The following CNTNAP2 variants were observed in gnomAD, a reference collection of about 807,000 sequenced individuals.
CNTNAP2 encodes contactin associated protein 2, also known as contactin-associated protein-like 2.
A neutral mutation model predicts 155.2 loss-of-function variants in CNTNAP2; 98 were observed. That is an observed-to-expected ratio of 0.63 (90% CI 0.54 to 0.75). CNTNAP2 has a LOEUF of 0.75. Ranked by LOEUF, CNTNAP2 falls within the 30% of genes least tolerant of loss-of-function variation. The probability of loss-of-function intolerance (pLI) is 0.00; values close to 1 mark genes in which losing one functional copy is unlikely to be tolerated. For missense variants in CNTNAP2, 1,727 were observed against 1,688.1 expected (o/e 1.02, Z -0.40); for synonymous variants, 651 against 631.2 (o/e 1.03, Z -0.47).
chr7:147,869,674 G>T (rs1462981109), intron 13 of CNTNAP2, among the ~76,000 whole-genome samples: 1 of 152,188 alleles, frequency 6.6e-6, no homozygotes, highest in Non-Finnish European at 1.5e-5. Flanking sequence ...GATCCGGAGG[G>T]ATGTATAAGT....
chr7:147,668,920 G>C (rs1795742719), intron 13 of CNTNAP2, among the ~76,000 whole-genome samples: 1 of 151,932 alleles, frequency 6.6e-6, no homozygotes, highest in Non-Finnish European at 1.5e-5. Flanking sequence ...TTCCAGTCCT[G>C]CAAGCTCCAT....
At chr7:147,324,952 T>G (rs1010028388) in intron 9 of CNTNAP2, among the ~76,000 whole-genome samples, 7 of 152,078 alleles carry the variant, frequency 4.6e-5, no homozygotes, top group Non-Finnish European at 1.0e-4. Flanking sequence ...ATGGCAGAAG[T>G]GTGGAAAGGC....
intron 1 of CNTNAP2, among the ~76,000 whole-genome samples, chr7:146,773,452 G>A (rs1270216502): frequency 1.3e-5 from 2 of 152,194 alleles, no homozygotes; most frequent in Non-Finnish European, 2.9e-5. Flanking sequence ...CTGGAGTGCA[G>A]TGGCACGATC....
At chr7:146,642,001 A>G (rs1296262160) in intron 1 of CNTNAP2, among the ~76,000 whole-genome samples, 2 of 152,190 alleles carry the variant, frequency 1.3e-5, no homozygotes, top group East Asian at 3.9e-4. Flanking sequence ...GAAACAAAAT[A>G]TATGACCTTA....
chr7:148,321,484 G>GCA (rs1040688782), intron 21 of CNTNAP2, among the ~76,000 whole-genome samples: 2 of 152,172 alleles, frequency 1.3e-5, no homozygotes, highest in African/African-American at 4.8e-5. Context: ...TTGCAACCTA[G>GCA]CACACCATCT....
chr7:148,137,833 T>C (rs1319361278), intron 16 of CNTNAP2, among the ~76,000 whole-genome samples: 1 of 152,236 alleles, frequency 6.6e-6, no homozygotes, highest in African/African-American at 2.4e-5. Context: ...TGTCCAATAC[T>C]GCAAATGCAC....
At chr7:148,234,419 T>C (rs138785784) in intron 20 of CNTNAP2, among the ~76,000 whole-genome samples, 333 of 152,384 alleles carry the variant, frequency 2.2e-3, no homozygotes, top group African/African-American at 7.2e-3. Context: ...CCATATGCTA[T>C]GTACCCACCA....
At chr7:147,008,941 G>C (rs1584780569) in intron 3 of CNTNAP2, among the ~76,000 whole-genome samples, 1 of 151,540 alleles carries the variant, frequency 6.6e-6, no homozygotes, top group South Asian at 2.1e-4. Context: ...GGGGAGGGCA[G>C]AGAGGTCTTC....
chr7:148,366,255 T>G (rs1031315982), intron 21 of CNTNAP2, among the ~76,000 whole-genome samples: 1 of 88,420 alleles, frequency 1.1e-5, no homozygotes, highest in South Asian at 3.9e-4. Flanking sequence ...CATGTATATA[T>G]GTGTGTATAT....
intron 15 of CNTNAP2, among the ~76,000 whole-genome samples, chr7:148,028,702 C>G (rs1466584664): frequency 1.3e-5 from 2 of 152,168 alleles, no homozygotes; most frequent in Non-Finnish European, 2.9e-5. Flanking sequence ...TAAAAAGAAT[C>G]AGGCTTAGCC....
At chr7:148,220,132 T>C (rs1795717910) in intron 19 of CNTNAP2, among the ~76,000 whole-genome samples, 1 of 152,246 alleles carries the variant, frequency 6.6e-6, no homozygotes, top group Non-Finnish European at 1.5e-5. Context: ...AGACGGAGTC[T>C]CGCTCTGTCG....
chr7:146,140,511 A>G (rs1312178235), intron 1 of CNTNAP2, among the ~76,000 whole-genome samples: 1 of 152,136 alleles, frequency 6.6e-6, no homozygotes, highest in Non-Finnish European at 1.5e-5. Flanking sequence ...CATTTAAAAT[A>G]TATTCTCATA....
chr7:146,474,582 G>A (rs1796847394), intron 1 of CNTNAP2, among the ~76,000 whole-genome samples: 1 of 151,456 alleles, frequency 6.6e-6, no homozygotes, highest in Non-Finnish European at 1.5e-5. Context: ...CTCTGTTATT[G>A]CCCAAAGAAT....
intron 8 of CNTNAP2, among the ~76,000 whole-genome samples, chr7:147,148,821 T>G (rs771431976): frequency 6.6e-6 from 1 of 152,046 alleles, no homozygotes; most frequent in Non-Finnish European, 1.5e-5. Flanking sequence ...TTGCAGTGAG[T>G]GTTACAGCTC....
At chr7:148,205,683 G>A (rs989077708) in intron 18 of CNTNAP2, among the ~76,000 whole-genome samples, 5 of 152,234 alleles carry the variant, frequency 3.3e-5, no homozygotes, top group East Asian at 1.9e-4. Flanking sequence ...CACTTCATAC[G>A]CACACAAAAG....
At chr7:147,007,395 TCTGTCTATCTAC>T (rs1342381548) in intron 3 of CNTNAP2, among the ~76,000 whole-genome samples, 1 of 152,126 alleles carries the variant, frequency 6.6e-6, no homozygotes, top group Non-Finnish European at 1.5e-5. Context: ...CTGCTATCTG[TCTGTCTATCTAC>T]CTGTCTATCT....
intron 21 of CNTNAP2, among the ~76,000 whole-genome samples, chr7:148,374,150 C>T (rs889404551): frequency 8.5e-5 from 13 of 152,078 alleles, no homozygotes; most frequent in African/African-American, 3.1e-4. Flanking sequence ...TACCTCAGGT[C>T]CATTTCGTGA....
chr7:146,488,062 C>G (rs1797082860), intron 1 of CNTNAP2, among the ~76,000 whole-genome samples: 1 of 152,146 alleles, frequency 6.6e-6, no homozygotes. Context: ...AGAGGTCTTG[C>G]TTTGTTTCAA....
intron 1 of CNTNAP2, among the ~76,000 whole-genome samples, chr7:146,250,026 A>T (rs1215413945): frequency 4.6e-5 from 7 of 152,332 alleles, no homozygotes; most frequent in African/African-American, 1.4e-4. Context: ...AAGAGATAAG[A>T]TACTCTAATC....
Sources: gnomAD v4.1 joint callset for allele counts (sites outside exome capture counted in the v4.1 genomes callset) on GRCh38, gnomAD v4.1.1 for gene constraint, MANE v1.5 for transcripts, NCBI Gene and HGNC (gene_info 2026-07-23, HGNC 2026-07-21) for gene names.